CARMIL1: variants seen among roughly 807,000 people sequenced by gnomAD.
CARMIL1 encodes capping protein regulator and myosin 1 linker 1.
CARMIL1 carries 90 observed loss-of-function variants against 177.1 expected under a neutral mutation model. The observed-to-expected ratio is 0.51, with a 90% CI of 0.43 to 0.61. The LOEUF (loss-of-function observed/expected upper bound fraction) is 0.61, where lower values mean the gene tolerates loss of function less well. CARMIL1 is among the 20% of genes least tolerant of loss of function. CARMIL1 has a pLI of 0.00. For missense variants in CARMIL1, 1,380 were observed against 1,667.0 expected (o/e 0.83, Z 3.00); for synonymous variants, 577 against 606.2 (o/e 0.95, Z 0.71).
intron 2 of CARMIL1, among the ~76,000 whole-genome samples, chr6:25,378,331 G>T (rs1033790303): frequency 1.3e-5 from 2 of 152,190 alleles, no homozygotes; most frequent in African/African-American, 2.4e-5. Context: ...TGGCCTTCAG[G>T]CCACATTTCT....
rs778841974 is a variant in CARMIL1 at position 25,550,980 on chromosome 6, G to A, written c.2399G>A (p.Arg800Gln). The change falls in exon 27 of 37, where the codon CGA becomes CAA. Residue 800 changes from arginine (R) to glutamine (Q), a missense_variant. Coordinates refer to ENST00000329474, the MANE Select transcript of CARMIL1 (RefSeq NM_017640.6). ...CPNVMKKAHIRQDLIHASTEK... is the reference protein window; with the variant it reads ...CPNVMKKAHIQQDLIHASTEK... ...AATGTGATGAAAAAAGCCCACATTC[G>A]ACAAGACTTGATTCATGCCAGCACC... The A allele has an allele frequency of 6.2e-6, 10 of 1,613,416 alleles. No homozygotes were observed. The South Asian group carries it at 6.6e-5, about 11-fold the overall frequency.
intron 8 of CARMIL1, among the ~76,000 whole-genome samples, chr6:25,464,273 A>C: frequency 6.6e-6 from 1 of 151,500 alleles, no homozygotes. Flanking sequence ...ATCTGTGGGC[A>C]CTCATCTCAT....
chr6:25,477,472 C>T (rs914813819), intron 11 of CARMIL1, among the ~76,000 whole-genome samples: 2 of 152,134 alleles, frequency 1.3e-5, no homozygotes, highest in Non-Finnish European at 2.9e-5. Flanking sequence ...GAACAGACCA[C>T]ACACATACAC....
chr6:25,531,629 A>C (rs545171999), intron 24 of CARMIL1, among the ~76,000 whole-genome samples: 3 of 152,302 alleles, frequency 2.0e-5, no homozygotes, highest in African/African-American at 7.2e-5. Flanking sequence ...TTTTGACCTT[A>C]CCAGTCCCTT....
At chr6:25,601,404 C>A (rs966815173) in intron 33 of CARMIL1, among the ~76,000 whole-genome samples, 2 of 152,194 alleles carry the variant, frequency 1.3e-5, no homozygotes, top group South Asian at 2.1e-4. Context: ...ATGCTCACAT[C>A]TGGGGGAAAA....
At position 25,377,862 on chromosome 6, in the gene CARMIL1, C is replaced by G. The variant is rs112044768; in HGVS notation, c.139-42252C>G. Among the ~76,000 whole-genome samples the G allele has an allele frequency of 3.4e-3, 521 of 152,198 alleles. 1 individual carries two copies. The highest frequency in any genetic ancestry group is 0.012 in the African/African-American group (481 of 41,520). ...GAAGGTGGTGCTTGCAAAAGAGTAC[C>G]AGCTGTGGTGGTGGTAGGATTTATG... is the stretch of plus-strand genomic sequence containing the variant. On this transcript the variant is annotated intron_variant, in intron 2 of 36. Coordinates refer to ENST00000329474, the MANE Select transcript of CARMIL1 (RefSeq NM_017640.6).
chr6:25,291,527 G>T (rs1408024988), intron 2 of CARMIL1, among the ~76,000 whole-genome samples: 1 of 152,108 alleles, frequency 6.6e-6, no homozygotes, highest in East Asian at 1.9e-4. Context: ...ACTTGATTCA[G>T]CAGTATGACC....
At chr6:25,372,728 C>T (rs778539502) in intron 2 of CARMIL1, among the ~76,000 whole-genome samples, 3 of 152,002 alleles carry the variant, frequency 2.0e-5, no homozygotes, top group Non-Finnish European at 4.4e-5. Context: ...ATTTGGATAC[C>T]CTTTATTTTT....
chr6:25,406,108 A>C (rs989521151), intron 2 of CARMIL1, among the ~76,000 whole-genome samples: 1 of 152,218 alleles, frequency 6.6e-6, no homozygotes, highest in African/African-American at 2.4e-5. Flanking sequence ...GGGCTGGTAG[A>C]TATTAAATAT....
intron 2 of CARMIL1, among the ~76,000 whole-genome samples, chr6:25,374,142 T>C (rs1275440620): frequency 6.6e-6 from 1 of 152,222 alleles, no homozygotes; most frequent in Non-Finnish European, 1.5e-5. Context: ...TTTGTGATCT[T>C]TCATACTTTT....
At position 25,558,822 on chromosome 6, in the gene CARMIL1, CAG is replaced by C; in HGVS notation, c.2742+1976_2742+1977del. On this transcript the variant is annotated intron_variant, in intron 29 of 36. Transcript: ENST00000329474. The surrounding 1 kb of genome is among the most constrained non-coding windows in gnomAD (Gnocchi z 4.1). ...AGGGCCCTGGGTGTTGAGGGAGTGA[CAG>C]AGAAACACAAGAGCTCTTCATCAAA... 6.6e-6 allele frequency among the ~76,000 whole-genome samples: 1 copy of C among 152,042 alleles called. No homozygotes were observed. The highest frequency in any genetic ancestry group is 2.1e-4 in the South Asian group (1 of 4,790).
chr6:25,312,142 C>G (rs1268250486), intron 2 of CARMIL1, among the ~76,000 whole-genome samples: 1 of 152,118 alleles, frequency 6.6e-6, no homozygotes, highest in Non-Finnish European at 1.5e-5. Flanking sequence ...GATTAAAAAC[C>G]TTTTTGTCCT....
chr6:25,483,419 ATCT>A (rs2150974148), intron 12 of CARMIL1, among the ~76,000 whole-genome samples: 1 of 152,266 alleles, frequency 6.6e-6, no homozygotes, highest in Non-Finnish European at 1.5e-5. Context: ...AAATAACACT[ATCT>A]TATTTCTACA....
intron 36 of CARMIL1, among the ~76,000 whole-genome samples, chr6:25,612,181 G>A (rs1361087047): frequency 1.3e-5 from 2 of 152,196 alleles, no homozygotes; most frequent in Non-Finnish European, 2.9e-5. Context: ...TGAAGTCTGG[G>A]AACAGTCTGT....
chr6:25,603,667 GC>G (rs1188823264), intron 33 of CARMIL1, among the ~76,000 whole-genome samples: 12 of 152,346 alleles, frequency 7.9e-5, no homozygotes, highest in African/African-American at 2.9e-4. Flanking sequence ...GAATCATCAT[GC>G]CTGCTGGTCT....
At chr6:25,597,872 TAGA>T (rs1265945713) in intron 32 of CARMIL1, among the ~76,000 whole-genome samples, 4 of 152,244 alleles carry the variant, frequency 2.6e-5, no homozygotes, top group African/African-American at 9.6e-5. Context: ...TCACTAGGTA[TAGA>T]ATTGTAGGTT....
rs200258148 is a variant in CARMIL1 at position 25,427,059 on chromosome 6, G to GTATC, written c.249+502_249+505dup. 5.4e-3 allele frequency among the ~76,000 whole-genome samples: 822 copies of GTATC among 152,192 alleles called. 7 individuals carry two copies. The highest frequency in any genetic ancestry group is 0.018 in the African/African-American group (746 of 41,534). ...TTCCCCACCTGCAGTCAATCTGCAGGTATCTACTTTTGGTTGCTGTAGTTT... is the reference window on the plus strand; with the variant it reads ...TTCCCCACCTGCAGTCAATCTGCAGGTATCTATCTACTTTTGGTTGCTGTAGTTT... On this transcript the variant is annotated intron_variant, in intron 4 of 36. Coordinates refer to ENST00000329474, the MANE Select transcript of CARMIL1 (RefSeq NM_017640.6).
In CARMIL1 at chr6:25,566,161, T is replaced by C. The variant is rs1159588081; in HGVS notation, c.2742+9311T>C. Among the ~76,000 whole-genome samples the C allele has an allele frequency of 2.6e-5, 4 of 152,182 alleles. No homozygotes were observed. In the South Asian group the frequency reaches 8.3e-4, roughly 32 times the overall value. On this transcript the variant is annotated intron_variant, in intron 29 of 36. Coordinates refer to ENST00000329474, the MANE Select transcript of CARMIL1 (RefSeq NM_017640.6). The stretch of plus-strand genomic sequence containing the variant: ...AGGCTTGTACTTCACACTTCTACCT[T>C]CACTGTTGCTTCTGCAGTCAATCGA...
At chr6:25,385,193 C>T (rs1792027580) in intron 2 of CARMIL1, among the ~76,000 whole-genome samples, 1 of 152,174 alleles carries the variant, frequency 6.6e-6, no homozygotes, top group Non-Finnish European at 1.5e-5. Flanking sequence ...GAGGAGGGAA[C>T]ACCATGTAGG....
Sources: allele counts gnomAD v4.1 joint callset (sites outside exome capture counted in the v4.1 genomes callset), GRCh38; gene constraint gnomAD v4.1.1; non-coding constraint Gnocchi (gnomAD v3.1); transcripts MANE v1.5; gene names NCBI Gene and HGNC (gene_info 2026-07-23, HGNC 2026-07-21).